NBPF11: variants seen among roughly 807,000 people sequenced by gnomAD.
NBPF11 encodes NBPF family member NBPF11.
Under a neutral mutation model 93.9 loss-of-function variants are expected in NBPF11, and 72 were observed. The ratio of observed to expected loss-of-function variants is 0.77; its 90% confidence interval spans 0.63 to 0.93. The LOEUF is 0.93. Ranked by LOEUF, NBPF11 falls within the 40% of genes least tolerant of loss-of-function variation. The pLI is 0.00. For synonymous variants in NBPF11, 224 were observed against 304.9 expected (o/e 0.73, Z 2.76); for missense variants, 705 against 802.2 (o/e 0.88, Z 1.46).
intron 2 of NBPF11, among the ~76,000 whole-genome samples, chr1:148,140,041 A>T (rs1344926137): frequency 6.6e-6 from 1 of 151,828 alleles, no homozygotes; most frequent in Non-Finnish European, 1.5e-5. Flanking sequence ...ATTAAGCTAC[A>T]GTAACCCAAA....
At chr1:148,107,991 A>G (rs1664171533) in intron 18 of NBPF11, among the ~76,000 whole-genome samples, 2 of 151,132 alleles carry the variant, frequency 1.3e-5, no homozygotes, top group Admixed American at 6.6e-5. Context: ...TTATCCCAAT[A>G]TCATTTGTCC....
intron 6 of NBPF11, among the ~76,000 whole-genome samples, chr1:148,124,273 T>C (rs1297600386): frequency 6.6e-6 from 1 of 151,870 alleles, no homozygotes; most frequent in Admixed American, 6.6e-5. Context: ...TCCTGCAAGA[T>C]CCTCGATGAT....
intron 5 of NBPF11, among the ~76,000 whole-genome samples, chr1:148,125,776 C>T (rs1295772159): frequency 9.9e-5 from 15 of 151,808 alleles, no homozygotes; most frequent in African/African-American, 3.2e-4. Flanking sequence ...ATTGTAGTAC[C>T]CTCTGAACAG....
At position 148,124,307 on chromosome 1, in the gene NBPF11, T is replaced by C. The variant is rs1222860742; in HGVS notation, c.279-240A>G. Among the ~76,000 whole-genome samples, 6 of 151,932 alleles carry C rather than the reference T, an allele frequency of 3.9e-5. No homozygotes were observed. In the South Asian group the frequency reaches 1.3e-3, roughly 32 times the overall value. ...ATGTTCCATTCATCTTTCCCTTCTG[T>C]AAATAAAAGTAGGTGTCTTCCTAAT... On this transcript the variant is annotated intron_variant, in intron 6 of 23. Coordinates refer to ENST00000682118, the MANE Select transcript of NBPF11 (RefSeq NM_001385469.3).
intron 9 of NBPF11, among the ~76,000 whole-genome samples, chr1:148,120,918 C>G (rs1404003688): frequency 1.3e-5 from 2 of 152,076 alleles, no homozygotes; most frequent in Non-Finnish European, 2.9e-5. Context: ...GACATAAACA[C>G]TTCTACACTT....
At chr1:148,133,409 A>T (rs1670746345) in intron 4 of NBPF11, among the ~76,000 whole-genome samples, 1 of 152,160 alleles carries the variant, frequency 6.6e-6, no homozygotes, top group Non-Finnish European at 1.5e-5. Flanking sequence ...TTAATAGAAA[A>T]GCATTCAATC....
chr1:148,120,672 C>T lies in NBPF11; in HGVS notation c.817G>A (p.Val273Met), dbSNP rs1208357754. 2.3e-3 allele frequency: 3,574 copies of T among 1,534,878 alleles called. 60 individuals are homozygous for T. The East Asian group carries it at 0.032, about 14-fold the overall frequency. ...PTSSATNVSM[V>M]VSAGPLSSEK... is the part of the protein sequence containing the mutation. ...CTGGACAAAGGGCCGGCTGATACCA[C>T]CATGCTGACGTTTGTGGCAGAAGAG... The change falls in exon 10 of 24, where the codon GTG becomes ATG. Residue 273 changes from valine (V) to methionine (M), a missense_variant. Around this residue, in one of 12 missense-constraint regions of NBPF11, gnomAD observed 262 missense variants for 223.1 expected, o/e 1.17. Coordinates refer to ENST00000682118, the MANE Select transcript of NBPF11 (RefSeq NM_001385469.3).
chr1:148,116,941 CAGA>C (rs1666704248), intron 12 of NBPF11, among the ~76,000 whole-genome samples: 1 of 152,338 alleles, frequency 6.6e-6, no homozygotes. Flanking sequence ...CTCTATGCAT[CAGA>C]AGATTTCAAG....
rs1363318185 is a variant in NBPF11 at position 148,146,525 on chromosome 1, G to A, written c.-548-2839C>T. The A allele has an allele frequency of 1.1e-5, 17 of 1,603,038 alleles. 1 individual carries two copies. The African/African-American group carries it at 1.9e-4, about 18-fold the overall frequency. ...TCCCTGGTGCCTGAGCCCGAGCTGG[G>A]GCCTGGTGGGGCCGGGGCCGCCCCC... On this transcript the variant is annotated intron_variant, in intron 1 of 23. Coordinates refer to ENST00000682118, the MANE Select transcript of NBPF11 (RefSeq NM_001385469.3).
At chr1:148,142,684 G>A (rs1215771436) in intron 2 of NBPF11, among the ~76,000 whole-genome samples, 2 of 151,962 alleles carry the variant, frequency 1.3e-5, no homozygotes, top group Non-Finnish European at 2.9e-5. Flanking sequence ...GTTCCGTGGG[G>A]TAGTGACCTG....
chr1:148,109,296 G>C lies in NBPF11; in HGVS notation c.1841C>G (p.Ala614Gly), dbSNP rs1664670365. ...WDQVKKEDQEATGPRLSRELL... is the reference protein window; with the variant it reads ...WDQVKKEDQEGTGPRLSRELL... ...TTCTCAGACTCACCTGGGACCTGTT[G>C]CCTCTTGGTCCTCCTTTTTCACTTG... The change falls in exon 17 of 24, where the codon GCA (alanine) becomes GGA (glycine). Residue 614 changes from alanine to glycine, a missense_variant. Transcript: ENST00000682118. 1 of 929,682 alleles carries C rather than the reference G, an allele frequency of 1.1e-6. No individual in the cohort carries two copies. Among genetic ancestry groups the C allele is most frequent in the Non-Finnish European group, 1.8e-6 (1 of 570,048 alleles). The allele number at this position is 929,682 out of a possible 1,614,324, so 57.6% of individuals were successfully genotyped here.
chr1:148,104,313 A>T (rs1663008759), intron 23 of NBPF11, among the ~76,000 whole-genome samples: 2 of 145,694 alleles, frequency 1.4e-5, no homozygotes, highest in Admixed American at 1.4e-4. Flanking sequence ...TGGCCATGAG[A>T]GTACAGCTTT....
At position 148,106,406 on chromosome 1, in the gene NBPF11, T is replaced by C. The variant is rs1259334625; in HGVS notation, c.2252-174A>G. Among the ~76,000 whole-genome samples the C allele has an allele frequency of 3.4e-5, 5 of 148,926 alleles. 1 individual carries two copies. The highest frequency in any genetic ancestry group is 1.3e-4 in the African/African-American group (5 of 39,380). ...TGGTCATGATATTCTTTGGTTTGCA[T>C]CTCAGAACCAAGGGTGAAATATCCC... On this transcript the variant is annotated intron_variant, in intron 20 of 23. Transcript: ENST00000682118.
In NBPF11 at chr1:148,108,476, A is replaced by T. The variant is rs1553267773; in HGVS notation, c.2026+6T>A. The T allele has an allele frequency of 6.6e-7, 1 of 1,523,172 alleles. No homozygotes were observed. The highest frequency in any genetic ancestry group is 1.4e-5 in the African/African-American group (1 of 70,588). The allele number at this position is 1,523,172 out of a possible 1,614,324, so 94.4% of individuals were successfully genotyped here. The stretch of plus-strand genomic sequence containing the variant: ...ATCCTTATCACCTTCATAGAAAGGT[A>T]CTCACCATCCATGTCAACAGCCAAG... On this transcript the variant is annotated splice_donor_region_variant and intron_variant, in intron 18 of 23. Coordinates refer to ENST00000682118, the MANE Select transcript of NBPF11 (RefSeq NM_001385469.3).
At chr1:148,113,040 G>A (rs1392483184) in intron 15 of NBPF11, among the ~76,000 whole-genome samples, 5 of 151,946 alleles carry the variant, frequency 3.3e-5, no homozygotes, top group African/African-American at 1.2e-4. Context: ...GACCATTGAC[G>A]CTAGGAAGAA....
At chr1:148,108,009 G>C (rs1484875525) in intron 18 of NBPF11, among the ~76,000 whole-genome samples, 1 of 150,532 alleles carries the variant, frequency 6.6e-6, no homozygotes, top group Non-Finnish European at 1.5e-5. Context: ...TCCCAAGTTT[G>C]TGCAAATGGT....
intron 20 of NBPF11, among the ~76,000 whole-genome samples, chr1:148,106,645 T>G: frequency 6.9e-6 from 1 of 144,988 alleles, no homozygotes; most frequent in East Asian, 2.1e-4. Flanking sequence ...CTACAAACCC[T>G]TGAGTCCAAA....
At chr1:148,136,409 C>T (rs1352043544) in intron 3 of NBPF11, among the ~76,000 whole-genome samples, 1 of 151,672 alleles carries the variant, frequency 6.6e-6, no homozygotes, top group Non-Finnish European at 1.5e-5. Flanking sequence ...GAATGTGATA[C>T]ATTCATTCCA....
At chr1:148,149,803 G>T (rs1305619199) in intron 1 of NBPF11, among the ~76,000 whole-genome samples, 2 of 148,392 alleles carry the variant, frequency 1.3e-5, no homozygotes, top group East Asian at 4.1e-4. Context: ...AAAAAAAAAA[G>T]ATTTAACAGG....
Sources: gnomAD v4.1 joint callset for allele counts (sites outside exome capture counted in the v4.1 genomes callset) on GRCh38, gnomAD v4.1.1 for gene constraint, gnomAD v4.1.1 regional missense constraint, MANE v1.5 for transcripts, NCBI Gene and HGNC (gene_info 2026-07-23, HGNC 2026-07-21) for gene names.